PIAS2: variants seen among roughly 807,000 people sequenced by gnomAD.
The protein encoded by PIAS2 is E3 SUMO-protein ligase PIAS2.
Under a neutral mutation model 69.7 loss-of-function variants are expected in PIAS2, and 19 were observed. That is an observed-to-expected ratio of 0.27 (90% CI 0.19 to 0.40). The LOEUF (loss-of-function observed/expected upper bound fraction) is 0.40, where lower values mean the gene tolerates loss of function less well. Among genes scored for constraint, PIAS2 ranks in the 10% least tolerant of loss-of-function variants. PIAS2 has a pLI of 1.00. For synonymous variants in PIAS2, 261 were observed against 263.2 expected, an observed-to-expected ratio of 0.99 and a Z score of 0.08; for missense variants, 624 against 757.0, an observed-to-expected ratio of 0.82 and a Z score of 2.06.
At chr18:46,870,923 G>A (rs1048941262) in intron 2 of PIAS2, among the ~76,000 whole-genome samples, 1 of 152,100 alleles carries the variant, frequency 6.6e-6, no homozygotes, top group African/African-American at 2.4e-5. Context: ...AAAGATCTCA[G>A]GGAAATGGTA....
intron 12 of PIAS2, 64 bp from the exon 13 acceptor site, chr18:46,815,413 AATC>A: frequency 6.2e-7 from 1 of 1,606,116 alleles, no homozygotes; most frequent in Non-Finnish European, 8.5e-7. Context: ...TATTTCCCTA[AATC>A]ATCTTTATCA....
At chr18:46,864,111 A>T in intron 3 of PIAS2, 53 bp downstream of exon 3, 1 of 1,050,188 alleles carries the variant, frequency 9.5e-7, no homozygotes, top group Non-Finnish European at 1.4e-6. Flanking sequence ...TGGCAGCCCT[A>T]CAGGTGAATA....
rs546830397 is a variant in PIAS2, at chr18:46,907,572, A to G, written c.24+9750T>C. 5.3e-5 allele frequency: 8 copies of G among 152,234 alleles called. No homozygotes were observed. In the South Asian group the frequency reaches 1.0e-3, roughly 20 times the overall value. 9.4% of individuals were successfully genotyped at this position (152,234 alleles called of 1,614,324 possible). ...GAATACAGTTGACCTTTGAATAACAATAACATATAGTTGAATATTGAATAA... is the reference window on the plus strand; with the variant it reads ...GAATACAGTTGACCTTTGAATAACAGTAACATATAGTTGAATATTGAATAA... On this transcript the variant is annotated intron_variant, in intron 1 of 13. Coordinates refer to ENST00000585916, the MANE Select transcript of PIAS2 (RefSeq NM_004671.5).
Position 46,891,484 on chromosome 18 carries a change from T to C in PIAS2, c.25-430A>G, listed in dbSNP as rs140249009. On this transcript the variant is annotated intron_variant, in intron 1 of 13. Transcript: ENST00000585916. ...CAAACAAAAAATCAGATTTTCACAA[T>C]GTTAGATGTGTAACTTTTGATGCTG... is the stretch of plus-strand genomic sequence containing the variant. Among the ~76,000 whole-genome samples the C allele has an allele frequency of 1.9e-3, 291 of 152,352 alleles. 2 individuals are homozygous for C. Among genetic ancestry groups the C allele is most frequent in the Non-Finnish European group, 3.2e-3 (215 of 68,024 alleles).
chr18:46,909,300 C>T (rs1214129219), intron 1 of PIAS2, among the ~76,000 whole-genome samples: 1 of 152,044 alleles, frequency 6.6e-6, no homozygotes, highest in East Asian at 1.9e-4. Context: ...ACTCTGTTGC[C>T]CAAGCTGGCG....
chr18:46,830,588 AAAGC>A (rs1441755198), intron 9 of PIAS2, among the ~76,000 whole-genome samples: 4 of 152,082 alleles, frequency 2.6e-5, no homozygotes, highest in Admixed American at 6.5e-5. Context: ...AATTATAGTA[AAAGC>A]AAGAAAAGAG....
At chr18:46,919,009 G>A (rs28628455), upstream of PIAS2, among the ~76,000 whole-genome samples, 8,369 of 84,834 alleles carry the variant, frequency 0.099, 222 homozygotes, top group East Asian at 0.18. Flanking sequence ...ATATATATAT[G>A]TGTGTGTGTG....
intron 12 of PIAS2, among the ~76,000 whole-genome samples, chr18:46,819,952 G>A (rs1284370182): frequency 6.6e-6 from 1 of 152,092 alleles, no homozygotes; most frequent in Admixed American, 6.6e-5. Context: ...AAGATTTTGC[G>A]TTCTGTGATT....
chr18:46,859,352 C>T (rs536500589), intron 3 of PIAS2, among the ~76,000 whole-genome samples: 30 of 145,146 alleles, frequency 2.1e-4, no homozygotes, highest in Non-Finnish European at 2.8e-4. Flanking sequence ...GGCGTGAACT[C>T]GGGAGTCAGA....
chr18:46,917,019 G>A (rs1337554150), intron 1 of PIAS2: 1 of 987,158 alleles, frequency 1.0e-6, no homozygotes, highest in Non-Finnish European at 1.2e-6. Context: ...CCGGGATGTC[G>A]GGTCCCCATG....
At chr18:46,857,702 C>T (rs2048043550) in intron 3 of PIAS2, among the ~76,000 whole-genome samples, 2 of 152,186 alleles carry the variant, frequency 1.3e-5, no homozygotes, top group Admixed American at 1.3e-4. Flanking sequence ...ACACTTTATT[C>T]TGGCAAGGGA....
At chr18:46,863,602 T>G (rs879583431) in intron 3 of PIAS2, among the ~76,000 whole-genome samples, 18 of 152,188 alleles carry the variant, frequency 1.2e-4, no homozygotes, top group Non-Finnish European at 1.5e-4. Context: ...TGGGAATAAA[T>G]TTTTCATTTA....
At chr18:46,863,309 T>C (rs1329007947) in intron 3 of PIAS2, among the ~76,000 whole-genome samples, 3 of 152,174 alleles carry the variant, frequency 2.0e-5, no homozygotes, top group African/African-American at 4.8e-5. Flanking sequence ...AAATTCTTTT[T>C]ATATTGCTTT....
chr18:46,840,459 T>C (rs947832622), intron 8 of PIAS2, among the ~76,000 whole-genome samples: 34 of 152,308 alleles, frequency 2.2e-4, no homozygotes, highest in Middle Eastern at 3.4e-3. Context: ...TCAGGGACCT[T>C]CAGGTATCCA....
At chr18:46,821,143 T>G in intron 11 of PIAS2, 71 bp from the exon 12 acceptor site, 1 of 1,523,650 alleles carries the variant, frequency 6.6e-7, no homozygotes, top group South Asian at 1.2e-5. Flanking sequence ...GCTGCACCAC[T>G]GGGCATTCTC....
intron 12 of PIAS2, among the ~76,000 whole-genome samples, chr18:46,818,763 A>G (rs890499939): frequency 2.0e-5 from 3 of 152,132 alleles, no homozygotes; most frequent in African/African-American, 7.2e-5. Context: ...AATAGATCCT[A>G]TTCTATTCAG....
At chr18:46,856,168 G>A (rs1435032137) in intron 3 of PIAS2, among the ~76,000 whole-genome samples, 1 of 151,718 alleles carries the variant, frequency 6.6e-6, no homozygotes, top group African/African-American at 2.4e-5. Flanking sequence ...ACCACGCCCG[G>A]CTAATTTTAT....
chr18:46,818,327 A>G, intron 12 of PIAS2: 1 of 1,460,840 alleles, frequency 6.8e-7, no homozygotes, highest in Admixed American at 2.3e-5. Flanking sequence ...TTTCCTTGAA[A>G]TAAGCTGTTT....
chr18:46,875,958 C>G (rs532868949), intron 2 of PIAS2, among the ~76,000 whole-genome samples: 2 of 152,322 alleles, frequency 1.3e-5, no homozygotes, highest in African/African-American at 4.8e-5. Flanking sequence ...ATGGGTCAGG[C>G]CCTGAGGGCC....
Sources: allele counts gnomAD v4.1 joint callset (sites outside exome capture counted in the v4.1 genomes callset), GRCh38; gene constraint gnomAD v4.1.1; transcripts MANE v1.5; gene names NCBI Gene and HGNC (gene_info 2026-07-23, HGNC 2026-07-21).